STPG2: variants seen among roughly 807,000 people sequenced by gnomAD.
STPG2 encodes sperm tail PG-rich repeat containing 2, also known as sperm-tail PG-rich repeat-containing protein 2.
STPG2 carries 56 observed loss-of-function variants against 54.2 expected under a neutral mutation model. The ratio of observed to expected loss-of-function variants is 1.03; its 90% CI spans 0.83 to 1.29. The LOEUF (loss-of-function observed/expected upper bound fraction) is 1.29. Among genes scored for constraint, STPG2 ranks in the 50% most tolerant of loss-of-function variants. STPG2 has a pLI of 0.00. For missense variants in STPG2, 596 were observed against 544.9 expected (o/e 1.09, Z -0.93); for synonymous variants, 200 against 181.8 (o/e 1.10, Z -0.81).
intron 4 of STPG2, among the ~76,000 whole-genome samples, chr4:97,463,979 A>G (rs951084210): frequency 2.6e-5 from 4 of 152,186 alleles, no homozygotes; most frequent in Non-Finnish European, 5.9e-5. Context: ...ATTCCGTTAC[A>G]TAGATGTACC....
At chr4:97,973,465 G>T (rs1734403010) in intron 6 of STPG2, among the ~76,000 whole-genome samples, 1 of 152,124 alleles carries the variant, frequency 6.6e-6, no homozygotes, top group Non-Finnish European at 1.5e-5. Context: ...GACAATGATA[G>T]AAAAACAAAA....
chr4:97,719,234 C>T (rs946355330), intron 9 of STPG2, among the ~76,000 whole-genome samples: 1 of 151,880 alleles, frequency 6.6e-6, no homozygotes, highest in Non-Finnish European at 1.5e-5. Flanking sequence ...ACCTACAGCT[C>T]ACAGGGTTTA....
At chr4:98,054,548 C>T (rs1340462166) in intron 5 of STPG2, among the ~76,000 whole-genome samples, 2 of 152,078 alleles carry the variant, frequency 1.3e-5, no homozygotes, top group Admixed American at 6.5e-5. Flanking sequence ...ATTTTATCTG[C>T]TAATGTTTTA....
chr4:97,703,837 G>A (rs990681517), intron 10 of STPG2, among the ~76,000 whole-genome samples: 1 of 148,662 alleles, frequency 6.7e-6, no homozygotes, highest in Admixed American at 6.9e-5. Flanking sequence ...TACACAGGGG[G>A]ATTTATTAAG....
At chr4:97,599,503 A>G (rs1733397226) in intron 10 of STPG2, among the ~76,000 whole-genome samples, 1 of 152,180 alleles carries the variant, frequency 6.6e-6, no homozygotes, top group African/African-American at 2.4e-5. Context: ...CTAAATGCCT[A>G]TCAATGGTAG....
chr4:97,684,419 A>T (rs1238458043), intron 10 of STPG2, among the ~76,000 whole-genome samples: 1 of 151,964 alleles, frequency 6.6e-6, no homozygotes, highest in Non-Finnish European at 1.5e-5. Context: ...GGAGCCCAGA[A>T]ATAGACCAAC....
At chr4:98,126,483 T>G (rs1035098492) in intron 3 of STPG2, among the ~76,000 whole-genome samples, 2 of 152,184 alleles carry the variant, frequency 1.3e-5, no homozygotes, top group Admixed American at 6.5e-5. Flanking sequence ...CTGCCTCCTT[T>G]GGCTAGGGAA....
intron 5 of STPG2, among the ~76,000 whole-genome samples, chr4:98,067,337 T>TA (rs1341613450): frequency 1.3e-5 from 2 of 152,186 alleles, no homozygotes; most frequent in African/African-American, 2.4e-5. Flanking sequence ...GAAGTAAACT[T>TA]ACAGCAGAAA....
At chr4:97,568,492 G>C (rs181846581) in intron 10 of STPG2, among the ~76,000 whole-genome samples, 101 of 152,010 alleles carry the variant, frequency 6.6e-4, no homozygotes, top group African/African-American at 2.0e-3. Context: ...GTGTGTGTGT[G>C]TCTCTCTCTC....
chr4:97,908,991 T>A (rs1328875849), intron 8 of STPG2, among the ~76,000 whole-genome samples: 1 of 148,010 alleles, frequency 6.8e-6, no homozygotes, highest in Non-Finnish European at 1.5e-5. Context: ...ATTGTGCACA[T>A]GTACCCTAAA....
chr4:97,936,483 T>C (rs1732750728), intron 8 of STPG2, among the ~76,000 whole-genome samples: 1 of 152,202 alleles, frequency 6.6e-6, no homozygotes, highest in Non-Finnish European at 1.5e-5. Context: ...CATTGGTCTT[T>C]GTGCTTTAAT....
intron 5 of STPG2, among the ~76,000 whole-genome samples, chr4:98,096,828 C>G (rs1431268260): frequency 3.3e-5 from 5 of 152,016 alleles, no homozygotes; most frequent in Non-Finnish European, 5.9e-5. Flanking sequence ...TTCAAAGGAT[C>G]ATTAGTGGCT....
At chr4:98,025,021 C>A (rs1259001570) in intron 5 of STPG2, among the ~76,000 whole-genome samples, 2 of 152,092 alleles carry the variant, frequency 1.3e-5, no homozygotes, top group Non-Finnish European at 2.9e-5. Flanking sequence ...AATGTAATTA[C>A]CCCCATCTGT....
intron 8 of STPG2, among the ~76,000 whole-genome samples, chr4:97,873,398 A>G (rs1217485436): frequency 6.6e-6 from 1 of 151,500 alleles, no homozygotes; most frequent in Non-Finnish European, 1.5e-5. Flanking sequence ...ACAGTGCAAC[A>G]TTTGTTTATA....
At chr4:97,597,058 A>G (rs1248076013) in intron 10 of STPG2, among the ~76,000 whole-genome samples, 2 of 152,126 alleles carry the variant, frequency 1.3e-5, no homozygotes. Flanking sequence ...AAATAAACAC[A>G]AGAAAAAATG....
At chr4:97,800,276 A>C (rs1204504240) in intron 9 of STPG2, among the ~76,000 whole-genome samples, 1 of 152,012 alleles carries the variant, frequency 6.6e-6, no homozygotes, top group Non-Finnish European at 1.5e-5. Flanking sequence ...TAGAATTTTC[A>C]GTTTCTCTGC....
chr4:97,914,345 C>T (rs1731793260), intron 8 of STPG2, among the ~76,000 whole-genome samples: 1 of 152,074 alleles, frequency 6.6e-6, no homozygotes, highest in Non-Finnish European at 1.5e-5. Flanking sequence ...GCATACTGAA[C>T]TAAACTTAAG....
chr4:97,587,401 C>G (rs757712825), intron 10 of STPG2, among the ~76,000 whole-genome samples: 76 of 151,872 alleles, frequency 5.0e-4, no homozygotes, highest in Admixed American at 1.1e-3. Flanking sequence ...CAATAATATT[C>G]CATGGATATG....
intron 10 of STPG2, among the ~76,000 whole-genome samples, chr4:97,592,953 G>C (rs1221629016): frequency 2.0e-5 from 3 of 152,068 alleles, no homozygotes; most frequent in Non-Finnish European, 2.9e-5. Context: ...GCATTACCAG[G>C]GATGCCCAAG....
Sources: allele counts gnomAD v4.1 joint callset (sites outside exome capture counted in the v4.1 genomes callset), GRCh38; gene constraint gnomAD v4.1.1; transcripts MANE v1.5; gene names NCBI Gene and HGNC (gene_info 2026-07-23, HGNC 2026-07-21).